AGBL2: variants seen among roughly 807,000 people sequenced by gnomAD.
The protein encoded by AGBL2 is AGBL carboxypeptidase 2.
AGBL2 carries 87 observed loss-of-function variants against 103.0 expected under a neutral mutation model. The ratio of observed to expected loss-of-function variants is 0.84; its 90% CI spans 0.71 to 1.01. AGBL2 has a LOEUF of 1.01. Among genes scored for constraint, AGBL2 ranks in the 50% least tolerant of loss-of-function variants. AGBL2 has a pLI of 0.00. For synonymous variants in AGBL2, 335 were observed against 356.7 expected, an observed-to-expected ratio of 0.94 and a Z score of 0.69; for missense variants, 904 against 1,023.5, an observed-to-expected ratio of 0.88 and a Z score of 1.59.
At chr11:47,668,208 C>CAAAA (rs34571219) in intron 15 of AGBL2, among the ~76,000 whole-genome samples, 1 of 95,148 alleles carries the variant, frequency 1.1e-5, no homozygotes. Flanking sequence ...GACTCCATCT[C>CAAAA]AAAAAAAAAA....
At chr11:47,696,011 AAAAAAAAAAAAAAAAAAAAAAAAAAG>A (rs1237876731) in intron 8 of AGBL2, among the ~76,000 whole-genome samples, 2 of 17,562 alleles carry the variant, frequency 1.1e-4, no homozygotes, top group African/African-American at 2.5e-4. Flanking sequence ...CTAAAAATAC[AAAAAAAAAAAAAAAAAAAAAAAAAAG>A]AAAAAAAAAA....
chr11:47,668,630 A>C (rs1488675927), intron 15 of AGBL2, among the ~76,000 whole-genome samples: 3 of 152,224 alleles, frequency 2.0e-5, no homozygotes, highest in Admixed American at 6.6e-5. Context: ...TAAAAGATTC[A>C]GTTTGGGTGT....
rs2097544973 is a variant in AGBL2, at chr11:47,714,598, T to C, written c.33+20A>G. 1 of 1,613,338 alleles carries C rather than the reference T, an allele frequency of 6.2e-7. No individual in the cohort carries two copies. ...AGTTCCCCGAAGAAATTTCTGTGGC[T>C]TTCCGTGTTGTGTACCGACCTGCTT... On this transcript the variant is annotated intron_variant, in intron 2 of 18. Transcript: ENST00000525123.
chr11:47,674,827 C>T (rs907188341), intron 14 of AGBL2, among the ~76,000 whole-genome samples: 2 of 151,764 alleles, frequency 1.3e-5, no homozygotes, highest in Non-Finnish European at 2.9e-5. Context: ...CCTCCGTCTC[C>T]GGGTTCCAGT....
In AGBL2 at chr11:47,690,253, T is replaced by C; in HGVS notation, c.1454A>G (p.Asp485Gly). Residue 485 changes from aspartate to glycine, a missense_variant, in exon 10 of 19, where the codon GAT becomes GGT. Asp to Gly is a moderately conservative substitution (Grantham distance 94, BLOSUM62 -1). Coordinates refer to ENST00000525123, the MANE Select transcript of AGBL2 (RefSeq NM_024783.4). ...AAAAATATCTCTGAGGAGCTGGGCATCTGGGGAGTTGCTAAGGATGAAGTC... is the reference window on the plus strand; with the variant it reads ...AAAAATATCTCTGAGGAGCTGGGCACCTGGGGAGTTGCTAAGGATGAAGTC... ...FLDFILSNSP[D>G]AQLLRDIFVF... 1 of 1,614,108 alleles carries C rather than the reference T, an allele frequency of 6.2e-7. No homozygotes were observed. The highest frequency in any genetic ancestry group is 8.5e-7 in the Non-Finnish European group (1 of 1,180,024).
intron 10 of AGBL2, among the ~76,000 whole-genome samples, chr11:47,689,712 G>A (rs1017150918): frequency 6.6e-6 from 1 of 152,118 alleles, no homozygotes; most frequent in African/African-American, 2.4e-5. Context: ...CTACCATACA[G>A]CTTGCCACTT....
At chr11:47,691,505 A>T (rs2097445169) in intron 9 of AGBL2, among the ~76,000 whole-genome samples, 1 of 149,904 alleles carries the variant, frequency 6.7e-6, no homozygotes, top group East Asian at 2.0e-4. Flanking sequence ...CAGGAGATCG[A>T]GACCATCCTG....
chr11:47,690,676 A>G lies in AGBL2; in HGVS notation c.1031T>C (p.Leu344Ser). The G allele has an allele frequency of 1.2e-6, 2 of 1,614,100 alleles. No homozygotes were observed. Among genetic ancestry groups the G allele is most frequent in the Non-Finnish European group, 8.5e-7 (1 of 1,180,012 alleles). Residue 344 changes from leucine to serine, a missense_variant, in exon 10 of 19, where the codon TTG becomes TCG. Leu to Ser is a moderately radical substitution (Grantham distance 145). Coordinates refer to ENST00000525123, the MANE Select transcript of AGBL2 (RefSeq NM_024783.4). Reference protein sequence around the residue: ...VGMKPLLYSQLDANTRNIGWR... With the variant: ...VGMKPLLYSQSDANTRNIGWR... ...GCCAATATTGCGGGTGTTGGCATCC[A>G]ATTGGGAGTACAAGAGTGGCTTCAT...
At chr11:47,690,957 T>G in intron 9 of AGBL2, 99 bp from the exon 10 acceptor site, 1 of 955,832 alleles carries the variant, frequency 1.0e-6, no homozygotes, top group Non-Finnish European at 1.5e-6. Flanking sequence ...CAGGTCTTAT[T>G]ACAACAGAAA....
At chr11:47,680,748 G>A (rs1018661357) in intron 12 of AGBL2, among the ~76,000 whole-genome samples, 8 of 151,856 alleles carry the variant, frequency 5.3e-5, no homozygotes, top group Non-Finnish European at 1.0e-4. Flanking sequence ...CTGGGATTGC[G>A]CCACTGCACT....
At position 47,688,762 on chromosome 11, in the gene AGBL2, T is replaced by G. The variant is rs115332254; in HGVS notation, c.1631+1314A>C. On this transcript the variant is annotated intron_variant, in intron 10 of 18. Transcript: ENST00000525123. ...TCTCAAACTCAGGCCTGTCTGACTC[T>G]GAAACATATGCTCTTTAGCTATGCC... Among the ~76,000 whole-genome samples, 899 of 152,230 alleles carry G rather than the reference T, an allele frequency of 5.9e-3. 8 individuals carry two copies. The highest frequency in any genetic ancestry group is 0.021 in the African/African-American group (863 of 41,540).
Position 47,667,623 on chromosome 11 carries a change from T to G in AGBL2, c.2288A>C (p.Gln763Pro), listed in dbSNP as rs2097344869. 1 of 1,613,864 alleles carries G rather than the reference T, an allele frequency of 6.2e-7. No individual in the cohort carries two copies. Among genetic ancestry groups the G allele is most frequent in the Non-Finnish European group, 8.5e-7 (1 of 1,179,908 alleles). The change falls in exon 16 of 19, where the codon CAG (glutamine) becomes CCG (proline). Residue 763 changes from glutamine to proline, a missense_variant. By Grantham distance (76) the Gln-to-Pro change is moderately conservative. Transcript: ENST00000525123. ...SLQTRKQRNEQYQKKNLMQKL... is the reference protein window; with the variant it reads ...SLQTRKQRNEPYQKKNLMQKL... Reference sequence around the variant, plus strand: ...CTGCATCAAATTTTTTTTCTGATACTGCTCATTTCGCTGTTTCCTAGTCTG... The same window carrying G: ...CTGCATCAAATTTTTTTTCTGATACGGCTCATTTCGCTGTTTCCTAGTCTG...
At chr11:47,683,041 G>A (rs1598968874) in intron 11 of AGBL2, among the ~76,000 whole-genome samples, 1 of 151,754 alleles carries the variant, frequency 6.6e-6, no homozygotes, top group South Asian at 2.1e-4. Context: ...AAGAAGAGAA[G>A]AGAAAAAAAG....
rs973955913 is a variant in AGBL2, at chr11:47,672,375, T to C, written c.2148-3468A>G. Reference sequence around the variant, plus strand: ...TGTCGCTCAGGTTGGAGTGCAGTAGTGCAATCTTGACTCACTGCAGCCTTG... The same window carrying C: ...TGTCGCTCAGGTTGGAGTGCAGTAGCGCAATCTTGACTCACTGCAGCCTTG... On this transcript the variant is annotated intron_variant, in intron 14 of 18. Coordinates refer to ENST00000525123, the MANE Select transcript of AGBL2 (RefSeq NM_024783.4). Among the ~76,000 whole-genome samples, 3 of 152,114 alleles carry C rather than the reference T, an allele frequency of 2.0e-5. No homozygotes were observed. In the South Asian group the frequency reaches 6.2e-4, roughly 32 times the overall value.
Position 47,711,481 on chromosome 11 carries a change from G to A in AGBL2, c.98-970C>T, listed in dbSNP as rs559866182. Among the ~76,000 whole-genome samples the A allele has an allele frequency of 1.1e-4, 17 of 152,190 alleles. No homozygotes were observed. The South Asian group carries it at 3.3e-3, about 30-fold the overall frequency. The stretch of plus-strand genomic sequence containing the variant: ...AGGACATGGTTTTTGGAGCTCATTC[G>A]TTTCTCCTGAATATCATTTACTACC... On this transcript the variant is annotated intron_variant, in intron 3 of 18. Transcript: ENST00000525123.
chr11:47,660,331 AG>A lies in AGBL2; in HGVS notation c.2550del (p.Phe851LeufsTer11). The A allele has an allele frequency of 6.2e-7, 1 of 1,611,920 alleles. No individual in the cohort carries two copies. Among genetic ancestry groups the A allele is most frequent in the Non-Finnish European group, 8.5e-7 (1 of 1,179,472 alleles). On this transcript the variant is annotated frameshift_variant, in exon 19 of 19. Coordinates refer to ENST00000525123, the MANE Select transcript of AGBL2 (RefSeq NM_024783.4). LOFTEE classifies it low-confidence loss of function (END_TRUNC). The stretch of plus-strand genomic sequence containing the variant: ...CTCTTTGGAGAGCATGATACTGTAA[AG>A]CCTGGCTTCTTATTCTGTGCAAATA... ...NKGRMQNKKP[G>X]FTVSCSPKRT...
At chr11:47,695,340 T>C (rs1261833595) in intron 8 of AGBL2, among the ~76,000 whole-genome samples, 1 of 151,332 alleles carries the variant, frequency 6.6e-6, no homozygotes, top group Non-Finnish European at 1.5e-5. Context: ...TCAGGTGTGA[T>C]GGTAGGCAAC....
Position 47,660,271 on chromosome 11 carries a change from T to G in AGBL2, c.2611A>C (p.Met871Leu). ...CTGCTCCTAGGCCAGTTTGGCTTCA[T>G]ACCTGGAGCTGGCTCTTGGCTGGAG... ...INSSQEPAPGMKPNWPRSRYP... is the reference protein window; with the variant it reads ...INSSQEPAPGLKPNWPRSRYP... Residue 871 changes from methionine to leucine, a missense_variant, in exon 19 of 19, where the codon ATG becomes CTG. Met to Leu is a conservative substitution (Grantham distance 15, BLOSUM62 2). Transcript: ENST00000525123. 1 of 1,614,224 alleles carries G rather than the reference T, an allele frequency of 6.2e-7. No homozygotes were observed.
At position 47,709,922 on chromosome 11, in the gene AGBL2, C is replaced by G. The variant is rs188674103; in HGVS notation, c.232+455G>C. On this transcript the variant is annotated intron_variant, in intron 4 of 18. Coordinates refer to ENST00000525123, the MANE Select transcript of AGBL2 (RefSeq NM_024783.4). ...TTTTTTTTTTTGAAACAGAATCTCA[C>G]TTTGTCACCCAGGCTGGAGTACAGT... Among the ~76,000 whole-genome samples, 6 of 151,924 alleles carry G rather than the reference C, an allele frequency of 3.9e-5. No homozygotes were observed. In the East Asian group the frequency reaches 7.8e-4, roughly 20 times the overall value.
Sources: allele counts gnomAD v4.1 joint callset (sites outside exome capture counted in the v4.1 genomes callset), GRCh38; gene constraint gnomAD v4.1.1; transcripts MANE v1.5; gene names NCBI Gene and HGNC (gene_info 2026-07-23, HGNC 2026-07-21).